LIFR: variants seen among roughly 807,000 people sequenced by gnomAD.
The protein encoded by LIFR is leukemia inhibitory factor receptor.
LIFR carries 84 observed loss-of-function variants against 122.2 expected under a neutral mutation model. That is an observed-to-expected ratio of 0.69 (90% confidence interval 0.58 to 0.82). The LOEUF (loss-of-function observed/expected upper bound fraction) is 0.82. Ranked by LOEUF, LIFR falls within the 40% of genes least tolerant of loss-of-function variation. The pLI, the probability that LIFR is intolerant of heterozygous loss-of-function variation, is 0.00. For synonymous variants in LIFR, 422 were observed against 434.7 expected, an observed-to-expected ratio of 0.97 and a Z score of 0.36; for missense variants, 1,294 against 1,311.6, an observed-to-expected ratio of 0.99 and a Z score of 0.21.
At chr5:38,540,110 C>T (rs968216669) in intron 1 of LIFR, among the ~76,000 whole-genome samples, 6 of 152,134 alleles carry the variant, frequency 3.9e-5, no homozygotes, top group African/African-American at 1.2e-4. Context: ...GTCCTGGACT[C>T]CAGTCCCTAT....
intron 2 of LIFR, among the ~76,000 whole-genome samples, chr5:38,602,811 ACT>A (rs1295548215): frequency 6.6e-6 from 1 of 151,872 alleles, no homozygotes; most frequent in Non-Finnish European, 1.5e-5. Flanking sequence ...TATCACACTG[ACT>A]CTCTCAGGAA....
intron 16 of LIFR, 63 bp downstream of exon 16, chr5:38,489,015 T>C: frequency 7.0e-7 from 1 of 1,419,038 alleles, no homozygotes; most frequent in Non-Finnish European, 9.9e-7. Context: ...TTTCCTTTTT[T>C]TTCTGTTGTG....
chr5:38,511,666 G>A (rs111525842), intron 6 of LIFR, 124 bp downstream of exon 6: 12 of 881,066 alleles, frequency 1.4e-5, no homozygotes, highest in African/African-American at 6.7e-5. Flanking sequence ...GGGCTTAGAC[G>A]CTCCCAGGTA....
intron 1 of LIFR, among the ~76,000 whole-genome samples, chr5:38,586,173 G>A (rs1251542141): frequency 2.6e-5 from 4 of 151,784 alleles, no homozygotes; most frequent in Non-Finnish European, 4.4e-5. Context: ...CTTGTCACCC[G>A]GGTGTCAATG....
At chr5:38,524,311 T>C (rs1746558167) in intron 4 of LIFR, among the ~76,000 whole-genome samples, 3 of 152,106 alleles carry the variant, frequency 2.0e-5, no homozygotes, top group Non-Finnish European at 4.4e-5. Flanking sequence ...AAGAAGCCAG[T>C]GGTTACTGTG....
At chr5:38,557,486 A>G (rs566064968), upstream of LIFR, 5 of 154,782 alleles carry the variant, frequency 3.2e-5, no homozygotes, top group African/African-American at 4.8e-5. Flanking sequence ...CTTCGGCACA[A>G]TTAATTTTGC....
chr5:38,555,777 G>A (rs35827855), intron 1 of LIFR, among the ~76,000 whole-genome samples: 47,338 of 151,666 alleles, frequency 0.31, 8,489 homozygotes, highest in East Asian at 0.68. Context: ...CACGTGATGT[G>A]CAGTTTTGTG....
At position 38,477,549 on chromosome 5, in the gene LIFR, AAAG is replaced by A. The variant is rs1743782559; in HGVS notation, c.*4043_*4045del. The stretch of plus-strand genomic sequence containing the variant: ...AACATGCCCCAGTTGCACACCCATC[AAAG>A]AAGAAGAAATTATGAACACTTAAAA... On this transcript the variant is annotated 3_prime_UTR_variant, in exon 20 of 20. Coordinates refer to ENST00000453190, the MANE Select transcript of LIFR (RefSeq NM_001127671.2). 9.3e-6 allele frequency: 2 copies of A among 215,592 alleles called. No individual in the cohort carries two copies. The highest frequency in any genetic ancestry group is 1.9e-4 in the South Asian group (1 of 5,368). 13.4% of individuals were successfully genotyped at this position (215,592 alleles called of 1,614,324 possible).
intron 16 of LIFR, among the ~76,000 whole-genome samples, chr5:38,487,810 C>A (rs1345841485): frequency 1.3e-5 from 2 of 152,144 alleles, no homozygotes; most frequent in African/African-American, 2.4e-5. Flanking sequence ...CTTCAATCGA[C>A]CCCTCCGTTC....
At chr5:38,507,405 AAT>A (rs931637112) in intron 7 of LIFR, among the ~76,000 whole-genome samples, 36 of 151,832 alleles carry the variant, frequency 2.4e-4, no homozygotes, top group African/African-American at 8.2e-4. Context: ...CTCCACTAAA[AAT>A]ACAAAAATTA....
intron 7 of LIFR, among the ~76,000 whole-genome samples, chr5:38,507,414 A>T (rs1352051869): frequency 1.3e-5 from 2 of 151,874 alleles, no homozygotes; most frequent in Admixed American, 1.3e-4. Context: ...AAATACAAAA[A>T]TTAGCCGGGT....
chr5:38,534,952 A>C (rs1457129722), intron 1 of LIFR, among the ~76,000 whole-genome samples: 1 of 152,254 alleles, frequency 6.6e-6, no homozygotes, highest in East Asian at 1.9e-4. Flanking sequence ...TCACACTTGA[A>C]TTCTATACTC....
intron 1 of LIFR, among the ~76,000 whole-genome samples, chr5:38,531,971 T>C (rs1004986879): frequency 5.3e-5 from 8 of 152,352 alleles, no homozygotes; most frequent in South Asian, 4.1e-4. Context: ...TCCAGGGTCA[T>C]TGAGTTTACT....
At chr5:38,486,016 T>C (rs1458505750) in intron 16 of LIFR, 36 bp from the exon 17 acceptor site, 2 of 1,585,290 alleles carry the variant, frequency 1.3e-6, no homozygotes, top group South Asian at 2.2e-5. Context: ...CACTAATCTC[T>C]AACCCGTTTC....
At chr5:38,484,695 T>A (rs1744186845) in intron 18 of LIFR, 80 bp downstream of exon 18, 1 of 904,136 alleles carries the variant, frequency 1.1e-6, no homozygotes, top group African/African-American at 1.7e-5. Flanking sequence ...ATACACTTAT[T>A]TAATACATAA....
chr5:38,489,280 T>G, intron 15 of LIFR, 35 bp from the exon 16 acceptor site: 3 of 1,521,470 alleles, frequency 2.0e-6, no homozygotes, highest in Non-Finnish European at 2.7e-6. Context: ...TAAAGGGGAG[T>G]GTATGAATAC....
In LIFR at chr5:38,490,259, A is replaced by G; in HGVS notation, c.2098T>C (p.Phe700Leu). Reference sequence around the variant, plus strand: ...CCTTGATTTCTGCATCCATACAGGAAAAAATTATATCTTATACCTGGTCGA... The same window carrying G: ...CCTTGATTTCTGCATCCATACAGGAGAAAATTATATCTTATACCTGGTCGA... ...EFRPGIRYNF[F>L]LYGCRNQGYQ... The change falls in exon 15 of 20, where the codon TTC becomes CTC. Residue 700 changes from phenylalanine to leucine, a missense_variant. Physicochemically the swap from Phe to Leu is conservative, Grantham distance 22 (BLOSUM62 0). Transcript: ENST00000453190. The G allele has an allele frequency of 6.4e-7, 1 of 1,573,942 alleles. No individual in the cohort carries two copies. The highest frequency in any genetic ancestry group is 2.3e-5 in the East Asian group (1 of 44,374).
intron 1 of LIFR, among the ~76,000 whole-genome samples, chr5:38,553,674 T>TATATA (rs1748363894): frequency 1.2e-4 from 11 of 93,818 alleles, no homozygotes; most frequent in Admixed American, 3.5e-4. Flanking sequence ...ATATATATAT[T>TATATA]ATATGTATGT....
rs1386427386 is a variant in LIFR, at chr5:38,490,248, T to C, written c.2109A>G (p.Gly703=). 5 of 1,585,576 alleles carry C rather than the reference T, an allele frequency of 3.2e-6. No homozygotes were observed. Among genetic ancestry groups the C allele is most frequent in the Non-Finnish European group, 4.3e-6 (5 of 1,156,484 alleles). ...ATAATTGATATCCTTGATTTCTGCA[T>C]CCATACAGGAAAAAATTATATCTTA... is the stretch of plus-strand genomic sequence containing the variant. ...PGIRYNFFLY[G]CRNQGYQLLR... is the part of the protein sequence containing the mutation. Residue 703 remains glycine (G), a synonymous_variant, in exon 15 of 20, where the codon GGA becomes GGG. Transcript: ENST00000453190.
Sources: allele counts gnomAD v4.1 joint callset (sites outside exome capture counted in the v4.1 genomes callset), GRCh38; gene constraint gnomAD v4.1.1; transcripts MANE v1.5; gene names NCBI Gene and HGNC (gene_info 2026-07-23, HGNC 2026-07-21).